FAM135A: variants seen among roughly 807,000 people sequenced by gnomAD.
FAM135A encodes the protein protein FAM135A.
FAM135A carries 79 observed loss-of-function variants against 146.8 expected under a neutral mutation model. The ratio of observed to expected loss-of-function variants is 0.54; its 90% CI spans 0.45 to 0.65. The LOEUF is 0.65. FAM135A is among the 30% of genes least tolerant of loss of function. The pLI is 0.00. For missense variants in FAM135A, 1,623 were observed against 1,758.2 expected (o/e 0.92, Z 1.38); for synonymous variants, 562 against 603.6 (o/e 0.93, Z 1.01).
At chr6:70,470,297 C>T (rs1781348570) in intron 5 of FAM135A, among the ~76,000 whole-genome samples, 1 of 152,186 alleles carries the variant, frequency 6.6e-6, no homozygotes, top group South Asian at 2.1e-4. Flanking sequence ...GCCTCTGACT[C>T]AGGATCTCTC....
chr6:70,433,220 G>A (rs1159547214), intron 4 of FAM135A, among the ~76,000 whole-genome samples: 2 of 151,758 alleles, frequency 1.3e-5, no homozygotes, highest in Non-Finnish European at 2.9e-5. Context: ...GACTACAGGC[G>A]CCCACTACCA....
At chr6:70,480,306 T>C (rs1392468446) in intron 8 of FAM135A, among the ~76,000 whole-genome samples, 1 of 152,120 alleles carries the variant, frequency 6.6e-6, no homozygotes, top group Non-Finnish European at 1.5e-5. Flanking sequence ...ACCTCACCTC[T>C]ACAAAAAATA....
At position 70,524,808 on chromosome 6, in the gene FAM135A, G is replaced by T; in HGVS notation, c.1724G>T (p.Cys575Phe). The change falls in exon 15 of 22, where the codon TGT becomes TTT. Residue 575 changes from cysteine to phenylalanine, a missense_variant. Physicochemically the swap from Cys to Phe is radical, Grantham distance 205. Transcript: ENST00000418814. Reference protein sequence around the residue: ...MRQTSQKEASCLPTNTERTEQ... With the variant: ...MRQTSQKEASFLPTNTERTEQ... ...CAGACAAGTCAAAAGGAAGCTAGCT[G>T]TTTGCCAACTAATACAGAGAGAACT... 1 of 1,558,596 alleles carries T rather than the reference G, an allele frequency of 6.4e-7. No individual in the cohort carries two copies. The highest frequency in any genetic ancestry group is 8.7e-7 in the Non-Finnish European group (1 of 1,150,526).
intron 11 of FAM135A, among the ~76,000 whole-genome samples, chr6:70,496,977 T>A (rs1379138398): frequency 6.6e-6 from 1 of 152,218 alleles, no homozygotes; most frequent in Non-Finnish European, 1.5e-5. Context: ...TAGGATTGTC[T>A]TGGCTATACG....
chr6:70,539,252 G>A (rs1312726269), intron 20 of FAM135A, among the ~76,000 whole-genome samples: 2 of 151,780 alleles, frequency 1.3e-5, no homozygotes, highest in East Asian at 1.9e-4. Context: ...TCCCCTCCTC[G>A]CCCCCATGTC....
At chr6:70,513,531 T>G (rs1254958873) in intron 12 of FAM135A, among the ~76,000 whole-genome samples, 4 of 151,904 alleles carry the variant, frequency 2.6e-5, no homozygotes, top group Non-Finnish European at 4.4e-5. Context: ...CTAGCTCCCC[T>G]TTTATTTAGA....
chr6:70,461,426 G>A (rs1391099610), intron 5 of FAM135A, among the ~76,000 whole-genome samples: 2 of 152,104 alleles, frequency 1.3e-5, no homozygotes, highest in Admixed American at 6.6e-5. Flanking sequence ...ATGGAAAACA[G>A]TCATGTTTTG....
intron 5 of FAM135A, among the ~76,000 whole-genome samples, chr6:70,467,431 GGTC>G (rs2128124662): frequency 6.6e-6 from 1 of 151,914 alleles, no homozygotes; most frequent in East Asian, 1.9e-4. Context: ...CTGTACCTTG[GGTC>G]TTTGAGTACT....
intron 4 of FAM135A, among the ~76,000 whole-genome samples, chr6:70,438,916 G>C (rs1773831693): frequency 6.6e-6 from 1 of 152,176 alleles, no homozygotes; most frequent in South Asian, 2.1e-4. Context: ...CAGTACTTTG[G>C]GAAGCTGAGG....
chr6:70,485,305 G>A (rs1784407026), intron 10 of FAM135A, among the ~76,000 whole-genome samples: 1 of 151,946 alleles, frequency 6.6e-6, no homozygotes, highest in African/African-American at 2.4e-5. Context: ...ATATATTGTG[G>A]TGTTCTTAAA....
In FAM135A at chr6:70,508,351, A is replaced by G. The variant is rs4707836; in HGVS notation, c.1029+5560A>G. The stretch of plus-strand genomic sequence containing the variant: ...ACATGAAGAATTGTCTCTCAACAGT[A>G]TGTCTTATAGAGAACTTGCTTTCAT... On this transcript the variant is annotated intron_variant, in intron 12 of 21. Coordinates refer to ENST00000418814, the MANE Select transcript of FAM135A (RefSeq NM_001162529.3). Among the ~76,000 whole-genome samples, 1,691 of 152,286 alleles carry G rather than the reference A, an allele frequency of 0.011. 99 individuals carry two copies. The East Asian group carries it at 0.17, about 16-fold the overall frequency.
Position 70,525,134 on chromosome 6 carries a change from C to T in FAM135A, c.2050C>T (p.Gln684Ter). The part of the protein sequence containing the change: ...VKLGPWTELR[Q>*]EEILVDNLLP... ...ACTAGGACCTTGGACAGAGCTTCGA[C>T]AAGAGGAAATACTTGTGGATAATTT... The change falls in exon 15 of 22, where the codon CAA (glutamine) becomes TAA (stop). Residue 684 changes from glutamine (Q) to a stop codon, truncating the protein, a stop_gained. Coordinates refer to ENST00000418814, the MANE Select transcript of FAM135A (RefSeq NM_001162529.3). LOFTEE classifies it high-confidence loss of function. 2 of 1,567,788 alleles carry T rather than the reference C, an allele frequency of 1.3e-6. No homozygotes were observed. The highest frequency in any genetic ancestry group is 1.7e-6 in the Non-Finnish European group (2 of 1,161,864).
intron 8 of FAM135A, among the ~76,000 whole-genome samples, chr6:70,478,895 A>G (rs760718208): frequency 1.3e-5 from 2 of 152,108 alleles, no homozygotes; most frequent in Non-Finnish European, 2.9e-5. Context: ...CTGAAATAGA[A>G]TGTGTGAATG....
At chr6:70,556,091 A>G (rs779135460) in intron 20 of FAM135A, among the ~76,000 whole-genome samples, 13 of 151,988 alleles carry the variant, frequency 8.6e-5, no homozygotes, top group South Asian at 4.2e-4. Context: ...TCTACTGAAA[A>G]TGCAAAAATT....
At chr6:70,537,254 C>G (rs1796966201) in intron 19 of FAM135A, among the ~76,000 whole-genome samples, 1 of 152,052 alleles carries the variant, frequency 6.6e-6, no homozygotes. Context: ...TTTTGTTTGG[C>G]TTGGTTTTTC....
At chr6:70,419,993 G>A (rs763994448) in intron 2 of FAM135A, among the ~76,000 whole-genome samples, 1 of 152,124 alleles carries the variant, frequency 6.6e-6, no homozygotes, top group Non-Finnish European at 1.5e-5. Context: ...GTCTGTAGGC[G>A]ACTTTTGCCT....
At chr6:70,537,375 A>G (rs546908237) in intron 19 of FAM135A, among the ~76,000 whole-genome samples, 15 of 152,172 alleles carry the variant, frequency 9.9e-5, no homozygotes, top group East Asian at 7.7e-4. Context: ...TCTTATTGCT[A>G]TTTCCTTTAC....
intron 5 of FAM135A, among the ~76,000 whole-genome samples, chr6:70,454,620 A>G (rs780523732): frequency 2.0e-5 from 3 of 152,110 alleles, no homozygotes; most frequent in Admixed American, 6.5e-5. Flanking sequence ...TCAGCTTTCT[A>G]CATATGGCTA....
Position 70,525,973 on chromosome 6 carries a change from A to G in FAM135A, c.2889A>G (p.Thr963=), listed in dbSNP as rs757650243. 3 of 1,613,378 alleles carry G rather than the reference A, an allele frequency of 1.9e-6. No individual in the cohort carries two copies. The Middle Eastern group carries it at 5.0e-4, about 266-fold the overall frequency. Residue 963 remains threonine (T), a synonymous_variant, in exon 15 of 22, where the codon ACA becomes ACG. Coordinates refer to ENST00000418814, the MANE Select transcript of FAM135A (RefSeq NM_001162529.3). Reference sequence around the variant, plus strand: ...ATAAATCTAATAACTCTACAGGGACAGCAATTACATTAAATTCAAAACTGA... The same window carrying G: ...ATAAATCTAATAACTCTACAGGGACGGCAATTACATTAAATTCAAAACTGA... ...SPDKSNNSTG[T]AITLNSKLIC...
Sources: allele counts gnomAD v4.1 joint callset (sites outside exome capture counted in the v4.1 genomes callset), GRCh38; gene constraint gnomAD v4.1.1; transcripts MANE v1.5; gene names NCBI Gene and HGNC (gene_info 2026-07-23, HGNC 2026-07-21).